Variants in EPAS1 observed in about 807,000 individuals in gnomAD.
EPAS1 encodes the protein endothelial PAS domain protein 1, also known as endothelial PAS domain-containing protein 1.
EPAS1 carries 23 observed loss-of-function variants against 87.9 expected under a neutral mutation model. The ratio of observed to expected loss-of-function variants is 0.26; its 90% CI spans 0.19 to 0.37. The LOEUF is 0.37. Ranked by LOEUF, EPAS1 falls within the 10% of genes least tolerant of loss-of-function variation. The pLI is 1.00. For synonymous variants in EPAS1, 508 were observed against 444.3 expected (o/e 1.14, Z -1.80); for missense variants, 1,138 against 1,120.7 (o/e 1.02, Z -0.22).
chr2:46,352,955 A>T (rs1684201266), intron 2 of EPAS1, among the ~76,000 whole-genome samples: 1 of 152,242 alleles, frequency 6.6e-6, no homozygotes, highest in Admixed American at 6.5e-5. Context: ...CTGTGTTGGA[A>T]CTGTTAAAAA....
intron 1 of EPAS1, among the ~76,000 whole-genome samples, chr2:46,310,366 A>T (rs1683186775): frequency 6.6e-6 from 1 of 152,184 alleles, no homozygotes; most frequent in African/African-American, 2.4e-5. Context: ...CAGTCCCTTC[A>T]ATATCCCACT....
At position 46,376,557 on chromosome 2, in the gene EPAS1, C is replaced by T. The variant is rs757088702; in HGVS notation, c.1053C>T (p.Asp351=). 1.1e-5 allele frequency: 18 copies of T among 1,614,084 alleles called. No homozygotes were observed. Among genetic ancestry groups the T allele is most frequent in the East Asian group, 4.5e-5 (2 of 44,886 alleles). Residue 351 remains aspartate (D), a synonymous_variant, in exon 9 of 16, where the codon GAC becomes GAT. Coordinates refer to ENST00000263734, the MANE Select transcript of EPAS1 (RefSeq NM_001430.5). ...CCATTAGTGAGATTGAGAAGAATGA[C>T]GTGGTGTTCTCCATGGACCAGACTG... ...NYVLSEIEKN[D]VVFSMDQTES...
At chr2:46,332,310 G>A (rs1368879294) in intron 1 of EPAS1, among the ~76,000 whole-genome samples, 24 of 138,746 alleles carry the variant, frequency 1.7e-4, no homozygotes, top group Admixed American at 5.6e-4. Context: ...GTGTGTGTGT[G>A]TGTGTGTGTG....
rs1189089866 is a variant in EPAS1 at position 46,332,328 on chromosome 2, G to GTA, written c.27-14544_27-14543insAT. 4.2e-3 allele frequency among the ~76,000 whole-genome samples: 579 copies of GTA among 139,058 alleles called. 9 individuals are homozygous for GTA. Among genetic ancestry groups the GTA allele is most frequent in the African/African-American group, 0.016 (542 of 33,044 alleles). The allele number at this position is 139,058 out of a possible 152,430, so 91.2% of individuals were successfully genotyped here. ...TGTGTGTGTGTGTGTGTGTGTGTGT[G>GTA]TGTGTATCAACTTGTTTTCTCTTTG... On this transcript the variant is annotated intron_variant, in intron 1 of 15. Transcript: ENST00000263734.
At chr2:46,367,243 A>G (rs1300056071) in intron 6 of EPAS1, among the ~76,000 whole-genome samples, 1 of 152,212 alleles carries the variant, frequency 6.6e-6, no homozygotes, top group Non-Finnish European at 1.5e-5. Flanking sequence ...GAACATTTTA[A>G]TTTAAAGATT....
intron 1 of EPAS1, among the ~76,000 whole-genome samples, chr2:46,330,936 T>A (rs1683660748): frequency 6.6e-6 from 1 of 152,152 alleles, no homozygotes; most frequent in African/African-American, 2.4e-5. Flanking sequence ...GTCTTTTTTT[T>A]TTTCCTCCCC....
intron 1 of EPAS1, among the ~76,000 whole-genome samples, chr2:46,315,270 G>A (rs757220393): frequency 4.6e-5 from 7 of 152,186 alleles, no homozygotes; most frequent in Non-Finnish European, 8.8e-5. Context: ...GGACTGAGCC[G>A]GAAAGCTGAT....
chr2:46,316,300 A>G (rs1683314683), intron 1 of EPAS1, among the ~76,000 whole-genome samples: 4 of 151,276 alleles, frequency 2.6e-5, no homozygotes, highest in Admixed American at 2.6e-4. Flanking sequence ...ACTCCGTTGC[A>G]CAGACTGGAG....
chr2:46,357,183 T>A (rs1303209495), intron 4 of EPAS1, among the ~76,000 whole-genome samples: 3 of 152,212 alleles, frequency 2.0e-5, no homozygotes, highest in Non-Finnish European at 4.4e-5. Flanking sequence ...TATCTATTGC[T>A]GTCTAACAAA....
intron 1 of EPAS1, among the ~76,000 whole-genome samples, chr2:46,308,378 C>T (rs865951722): frequency 6.7e-6 from 1 of 148,908 alleles, no homozygotes; most frequent in African/African-American, 2.5e-5. Context: ...TTTGTTTTTG[C>T]CTTTCTAACA....
chr2:46,366,435 A>G (rs1360645306), intron 6 of EPAS1, among the ~76,000 whole-genome samples: 2 of 151,650 alleles, frequency 1.3e-5, no homozygotes, highest in Non-Finnish European at 1.5e-5. Context: ...GAATTTAACA[A>G]CCCCCTTTAA....
At chr2:46,357,100 C>A (rs1684285109) in intron 4 of EPAS1, among the ~76,000 whole-genome samples, 1 of 152,330 alleles carries the variant, frequency 6.6e-6, no homozygotes, top group Non-Finnish European at 1.5e-5. Flanking sequence ...AGTCAAGCAT[C>A]TCTGCCAAAT....
In EPAS1 at chr2:46,378,723, C is replaced by G. The variant is rs935969368; in HGVS notation, c.1510C>G (p.Leu504Val). ...CCTGAAGATTGAAGTGATTGAGAAG[C>G]TCTTCGCCATGGACACAGAGGCCAA... ...NDLKIEVIEK[L>V]FAMDTEAKDQ... Residue 504 changes from leucine to valine, a missense_variant, in exon 11 of 16, where the codon CTC becomes GTC. Transcript: ENST00000263734. The G allele has an allele frequency of 3.1e-6, 5 of 1,614,078 alleles. No homozygotes were observed. The highest frequency in any genetic ancestry group is 1.7e-5 in the Admixed American group (1 of 60,014).
At chr2:46,326,513 T>C (rs532037835) in intron 1 of EPAS1, among the ~76,000 whole-genome samples, 5 of 152,204 alleles carry the variant, frequency 3.3e-5, no homozygotes, top group African/African-American at 1.2e-4. Context: ...GACAAAGCAT[T>C]TGTACTCCCA....
intron 4 of EPAS1, among the ~76,000 whole-genome samples, chr2:46,358,237 C>T (rs779864738): frequency 2.0e-5 from 3 of 152,194 alleles, no homozygotes; most frequent in Non-Finnish European, 4.4e-5. Context: ...TCCTCTTCTA[C>T]CACTGCCACA....
chr2:46,347,699 C>T lies in EPAS1; in HGVS notation c.217+636C>T, dbSNP rs538738233. Among the ~76,000 whole-genome samples the T allele has an allele frequency of 1.3e-5, 2 of 152,310 alleles. No individual in the cohort carries two copies. The highest frequency in any genetic ancestry group is 2.9e-5 in the Non-Finnish European group (2 of 68,010). On this transcript the variant is annotated intron_variant, in intron 2 of 15. Coordinates refer to ENST00000263734, the MANE Select transcript of EPAS1 (RefSeq NM_001430.5). The surrounding 1 kb of genome is among the most constrained non-coding windows in gnomAD (Gnocchi z 4.2). Reference sequence around the variant, plus strand: ...CCTCCCTCGGAAAATAACTGGTTCTCCCCTCCCTAGCACCTCTGCAACTCC... The same window carrying T: ...CCTCCCTCGGAAAATAACTGGTTCTTCCCTCCCTAGCACCTCTGCAACTCC...
intron 7 of EPAS1, among the ~76,000 whole-genome samples, chr2:46,372,126 C>T (rs1006266887): frequency 2.0e-5 from 3 of 152,158 alleles, no homozygotes; most frequent in Non-Finnish European, 2.9e-5. Context: ...AAAGGTAACT[C>T]ACAGCCCAAA....
At chr2:46,333,413 G>T (rs573984703) in intron 1 of EPAS1, among the ~76,000 whole-genome samples, 9 of 152,278 alleles carry the variant, frequency 5.9e-5, no homozygotes, top group Non-Finnish European at 1.3e-4. Context: ...AAGTGTTCCA[G>T]GCAGGAGTGA....
intron 6 of EPAS1, among the ~76,000 whole-genome samples, chr2:46,363,195 C>G (rs1530631): frequency 0.61 from 92,372 of 152,084 alleles, 28,977 homozygotes; most frequent in East Asian, 0.87. Flanking sequence ...GACAATCCCA[C>G]TGCATAGCCC....
Sources: allele counts gnomAD v4.1 joint callset (sites outside exome capture counted in the v4.1 genomes callset), GRCh38; gene constraint gnomAD v4.1.1; non-coding constraint Gnocchi (gnomAD v3.1); transcripts MANE v1.5; gene names NCBI Gene and HGNC (gene_info 2026-07-23, HGNC 2026-07-21).